The following VWA5B1 variants were observed in gnomAD, a reference collection of about 807,000 sequenced individuals.
VWA5B1 encodes the protein von Willebrand factor A domain containing 5B1.
In VWA5B1, 115 loss-of-function variants were observed where a neutral mutation model predicts 118.2. The ratio of observed to expected loss-of-function variants is 0.97; its 90% CI spans 0.84 to 1.14. The LOEUF (loss-of-function observed/expected upper bound fraction) is 1.14, where lower values mean the gene tolerates loss of function less well. Ranked by LOEUF, VWA5B1 falls within the 50% of genes most tolerant of loss-of-function variation. VWA5B1 has a pLI of 0.00. For missense variants in VWA5B1, 1,596 were observed against 1,603.8 expected (o/e 1.00, Z 0.08); for synonymous variants, 682 against 658.4 (o/e 1.04, Z -0.55).
chr1:20,326,305 G>T (rs4590651), intron 8 of VWA5B1, among the ~76,000 whole-genome samples: 37,771 of 151,730 alleles, frequency 0.25, 5,200 homozygotes, highest in East Asian at 0.39. Context: ...TTTTCTTCTA[G>T]ATCATGAAGG....
chr1:20,348,306 T>A lies in VWA5B1; in HGVS notation c.2826T>A (p.Ser942=). 6.4e-7 allele frequency: 1 copy of A among 1,551,646 alleles called. No individual in the cohort carries two copies. Among genetic ancestry groups the A allele is most frequent in the Non-Finnish European group, 8.7e-7 (1 of 1,146,998 alleles). Reference sequence around the variant, plus strand: ...CCCAACAGTGGAGGGGCACCTCTTCTGGCTTTGGAAGGCCGCAGACGATGC... The same window carrying A: ...CCCAACAGTGGAGGGGCACCTCTTCAGGCTTTGGAAGGCCGCAGACGATGC... The part of the protein sequence containing the change: ...ALAQQWRGTS[S]GFGRPQTMLG... Residue 942 remains serine (S), a synonymous_variant, in exon 18 of 22, where the codon TCT becomes TCA. Coordinates refer to ENST00000289815, the MANE Select transcript of VWA5B1 (RefSeq NM_001039500.3).
intron 7 of VWA5B1, 124 bp from the exon 8 acceptor site, chr1:20,323,231 CG>C: frequency 1.1e-6 from 1 of 929,696 alleles, no homozygotes; most frequent in Non-Finnish European, 1.4e-6. Flanking sequence ...ACAGTCAGCC[CG>C]GAAGTCTTCC....
At chr1:20,330,551 C>T (rs895813319) in intron 10 of VWA5B1, among the ~76,000 whole-genome samples, 169 bp downstream of exon 10, 8 of 152,290 alleles carry the variant, frequency 5.3e-5, no homozygotes, top group Non-Finnish European at 1.0e-4. Flanking sequence ...CATCTTTTTC[C>T]CTCTCAAGTT....
chr1:20,344,048 T>C (rs1329809911), intron 16 of VWA5B1, among the ~76,000 whole-genome samples: 1 of 139,852 alleles, frequency 7.2e-6, no homozygotes, highest in Non-Finnish European at 1.5e-5. Flanking sequence ...TCATTCCCAA[T>C]CGCCCTTCCC....
intron 21 of VWA5B1, among the ~76,000 whole-genome samples, chr1:20,352,673 G>A (rs369866423): frequency 3.9e-5 from 6 of 152,296 alleles, no homozygotes; most frequent in African/African-American, 1.4e-4. Context: ...GAGCAAGGGA[G>A]ACTGGCCCTG....
intron 14 of VWA5B1, among the ~76,000 whole-genome samples, chr1:20,341,431 A>G (rs1472066486): frequency 6.6e-6 from 1 of 152,230 alleles, no homozygotes; most frequent in Non-Finnish European, 1.5e-5. Flanking sequence ...CTGACAGTCC[A>G]TGACAGACTC....
At position 20,336,245 on chromosome 1, in the gene VWA5B1, G is replaced by A. The variant is rs1161971076; in HGVS notation, c.1759-58G>A. 25 of 1,285,778 alleles carry A rather than the reference G, an allele frequency of 1.9e-5. No homozygotes were observed. The East Asian group carries it at 5.7e-4, about 30-fold the overall frequency. The allele number at this position is 1,285,778 out of a possible 1,614,324, so 79.6% of individuals were successfully genotyped here. A position where few individuals can be genotyped will look rare whatever the true frequency, so the allele number is the denominator to read the frequency against. On this transcript the variant is annotated intron_variant, in intron 12 of 21. Transcript: ENST00000289815. ...CTGCTCACACCCCTTGCTCCCTGCG[G>A]AAGTCCTTCCTGACACCTAGCCTCA...
intron 18 of VWA5B1, chr1:20,349,157 A>G (rs761537804): frequency 9.1e-6 from 4 of 438,818 alleles, no homozygotes; most frequent in Non-Finnish European, 1.8e-5. Context: ...AACAGAACAC[A>G]GTGTGAGGGG....
At position 20,326,811 on chromosome 1, in the gene VWA5B1, AGC is replaced by A. The variant is rs1326431879; in HGVS notation, c.1144-1078_1144-1077del. On this transcript the variant is annotated intron_variant, in intron 8 of 21. Transcript: ENST00000289815. ...GTTTTGCAATCCAGGGCAATTCCTT[AGC>A]TCTCCTGAGCCTCAGTTTCCTTATC... Among the ~76,000 whole-genome samples, 164 of 152,218 alleles carry A rather than the reference AGC, an allele frequency of 1.1e-3. 3 individuals carry two copies. The East Asian group carries it at 0.022, about 20-fold the overall frequency.
Position 20,352,142 on chromosome 1 carries a change from CG to C in VWA5B1, c.3114del (p.Asn1039ThrfsTer179). On this transcript the variant is annotated frameshift_variant, in exon 21 of 22. Coordinates refer to ENST00000289815, the MANE Select transcript of VWA5B1 (RefSeq NM_001039500.3). LOFTEE classifies it low-confidence loss of function (END_TRUNC). Reference sequence around the variant, plus strand: ...TGATCAAAGCTGTGGAGTCGACCTCCGGGAACCAGAGCTTCGACTACATACC... The same window carrying C: ...TGATCAAAGCTGTGGAGTCGACCTCCGGAACCAGAGCTTCGACTACATACC... Reference protein sequence around the residue: ...PLIKAVESTSGNQSFDYIPLV... With the variant: ...PLIKAVESTSXNQSFDYIPLV... 6.4e-7 allele frequency: 1 copy of C among 1,551,400 alleles called. No individual in the cohort carries two copies. The highest frequency in any genetic ancestry group is 8.7e-7 in the Non-Finnish European group (1 of 1,146,926).
intron 4 of VWA5B1, 146 bp from the exon 5 acceptor site, chr1:20,317,384 G>A (rs1325416870): frequency 2.7e-6 from 3 of 1,092,172 alleles, no homozygotes; most frequent in East Asian, 5.4e-5. Flanking sequence ...TCTCCCTGGG[G>A]TCAGGTTGAG....
At position 20,355,591 on chromosome 1, in the gene VWA5B1, A is replaced by G. The variant is rs1412619871; in HGVS notation, c.*1328A>G. Among the ~76,000 whole-genome samples the G allele has an allele frequency of 6.6e-6, 1 of 152,238 alleles. No homozygotes were observed. Among genetic ancestry groups the G allele is most frequent in the Non-Finnish European group, 1.5e-5 (1 of 68,040 alleles). On this transcript the variant is annotated 3_prime_UTR_variant, in exon 22 of 22. Coordinates refer to ENST00000289815, the MANE Select transcript of VWA5B1 (RefSeq NM_001039500.3). ...TCCCAACCTTGGAGTGAAGCTCCACAGACTTCCCTCGTGGGAAGGCCTTGG... is the reference window on the plus strand; with the variant it reads ...TCCCAACCTTGGAGTGAAGCTCCACGGACTTCCCTCGTGGGAAGGCCTTGG...
At chr1:20,294,800 G>T (rs757778072) in intron 1 of VWA5B1, among the ~76,000 whole-genome samples, 4 of 152,114 alleles carry the variant, frequency 2.6e-5, no homozygotes, top group Non-Finnish European at 4.4e-5. Flanking sequence ...TGTTGGTCTG[G>T]CTGGTCTCAA....
At chr1:20,299,349 C>A (rs1222986652) in intron 1 of VWA5B1, among the ~76,000 whole-genome samples, 1 of 152,154 alleles carries the variant, frequency 6.6e-6, no homozygotes, top group Non-Finnish European at 1.5e-5. Flanking sequence ...CCATGAGGTC[C>A]ATTCTGAGGC....
rs547294581 is a variant in VWA5B1 at position 20,357,794 on chromosome 1, C to T, written c.*3531C>T. 1.3e-5 allele frequency among the ~76,000 whole-genome samples: 2 copies of T among 152,322 alleles called. No individual in the cohort carries two copies. Among genetic ancestry groups the T allele is most frequent in the East Asian group, 3.9e-4 (2 of 5,190 alleles). ...CTCGTATTAGCACTACCTAGGTACC[C>T]TTTGCGCTAACGGCCAGCCCCCTGA... On this transcript the variant is annotated 3_prime_UTR_variant, in exon 22 of 22. Coordinates refer to ENST00000289815, the MANE Select transcript of VWA5B1 (RefSeq NM_001039500.3).
Position 20,312,861 on chromosome 1 carries a change from G to A in VWA5B1, c.165G>A (p.Glu55=), listed in dbSNP as rs1484368045. ...GCCTCTTCGTGTACCCCCTGGATGAGTGCACCACGGTGATCGGCTTTGAGG... is the reference window on the plus strand; with the variant it reads ...GCCTCTTCGTGTACCCCCTGGATGAATGCACCACGGTGATCGGCTTTGAGG... ...FQGLFVYPLD[E]CTTVIGFEAV... is the part of the protein sequence containing the mutation. Residue 55 remains glutamate (E), a synonymous_variant, in exon 3 of 22, where the codon GAG becomes GAA. Transcript: ENST00000289815. 3 of 1,551,486 alleles carry A rather than the reference G, an allele frequency of 1.9e-6. No homozygotes were observed. The highest frequency in any genetic ancestry group is 2.7e-5 in the African/African-American group (2 of 73,072).
chr1:20,309,017 T>C (rs2088758812), intron 1 of VWA5B1, among the ~76,000 whole-genome samples: 2 of 152,152 alleles, frequency 1.3e-5, no homozygotes, highest in African/African-American at 4.8e-5. Flanking sequence ...TTGACTTTGC[T>C]TCCCATTCCC....
At chr1:20,351,762 C>T (rs914980250) in intron 20 of VWA5B1, among the ~76,000 whole-genome samples, 6 of 152,232 alleles carry the variant, frequency 3.9e-5, no homozygotes, top group South Asian at 2.1e-4. Flanking sequence ...CAGTAAGCTA[C>T]GATTGTGTCC....
chr1:20,337,017 C>T (rs183971384), intron 13 of VWA5B1, among the ~76,000 whole-genome samples: 36 of 152,244 alleles, frequency 2.4e-4, no homozygotes, highest in Admixed American at 6.5e-4. Context: ...AGGGAGAGGA[C>T]GTTCCAGGCA....
Sources: gnomAD v4.1 joint callset for allele counts (sites outside exome capture counted in the v4.1 genomes callset) on GRCh38, gnomAD v4.1.1 for gene constraint, MANE v1.5 for transcripts, NCBI Gene and HGNC (gene_info 2026-07-23, HGNC 2026-07-21) for gene names.